The following SUPT3H variants were observed in gnomAD, a reference collection of about 807,000 sequenced individuals.
SUPT3H encodes transcription initiation protein SPT3 homolog.
SUPT3H carries 44 observed loss-of-function variants against 44.3 expected under a neutral mutation model. That is an observed-to-expected ratio of 0.99 (90% confidence interval 0.78 to 1.28). The LOEUF (loss-of-function observed/expected upper bound fraction) is 1.28, where lower values mean the gene tolerates loss of function less well. SUPT3H is among the 50% of genes most tolerant of loss of function. The pLI, the probability that SUPT3H is intolerant of heterozygous loss-of-function variation, is 0.00. For missense variants in SUPT3H, 380 were observed against 387.1 expected, an observed-to-expected ratio of 0.98 and a Z score of 0.15; for synonymous variants, 124 against 125.6, an observed-to-expected ratio of 0.99 and a Z score of 0.09.
chr6:45,326,529 T>A (rs1017250228), intron 2 of SUPT3H, among the ~76,000 whole-genome samples: 45 of 152,036 alleles, frequency 3.0e-4, no homozygotes, highest in African/African-American at 6.3e-4. Flanking sequence ...ACACATACAA[T>A]AAGGCATGAT....
At chr6:45,185,018 A>G (rs551823352) in intron 2 of SUPT3H, among the ~76,000 whole-genome samples, 17 of 152,302 alleles carry the variant, frequency 1.1e-4, no homozygotes, top group Middle Eastern at 3.4e-3. Flanking sequence ...AACAGTAGTC[A>G]ATCAGGAAGT....
intron 2 of SUPT3H, among the ~76,000 whole-genome samples, chr6:45,178,246 A>C (rs1007097479): frequency 1.3e-5 from 2 of 152,138 alleles, no homozygotes; most frequent in Non-Finnish European, 2.9e-5. Flanking sequence ...AATGGAAAAC[A>C]AAAAAAGGCA....
rs1381172428 is a variant in SUPT3H at position 45,030,928 on chromosome 6, TAGTGTGGTACATCCCGAAG to T, written c.187-10315_187-10297del. Among the ~76,000 whole-genome samples the T allele has an allele frequency of 2.6e-5, 4 of 152,298 alleles. No individual in the cohort carries two copies. In the East Asian group the frequency reaches 7.7e-4, roughly 29 times the overall value. ...TCGGTTAAAATGTGGCCTCCTCTGT[TAGTGTGGTACATCCCGAAG>T]AGTGTTCCAGAATCTTTAGATTATT... On this transcript the variant is annotated intron_variant, in intron 3 of 10. Transcript: ENST00000371459.
chr6:45,046,630 C>T (rs565544959), intron 3 of SUPT3H, among the ~76,000 whole-genome samples: 3 of 152,284 alleles, frequency 2.0e-5, no homozygotes, highest in Non-Finnish European at 2.9e-5. Context: ...CGCTCTCAGC[C>T]CATACTGCTT....
chr6:44,913,190 A>G (rs1582455201), intron 10 of SUPT3H, among the ~76,000 whole-genome samples: 1 of 152,182 alleles, frequency 6.6e-6, no homozygotes, highest in Non-Finnish European at 1.5e-5. Flanking sequence ...TAGAATCATC[A>G]TCCTTCCAGT....
intron 3 of SUPT3H, among the ~76,000 whole-genome samples, chr6:45,036,158 C>G (rs893960145): frequency 6.6e-6 from 1 of 152,004 alleles, no homozygotes; most frequent in Non-Finnish European, 1.5e-5. Context: ...GTCAGGAGGA[C>G]AAATAATAAA....
intron 10 of SUPT3H, among the ~76,000 whole-genome samples, chr6:44,904,147 T>A (rs1250431544): frequency 2.0e-5 from 3 of 152,092 alleles, no homozygotes; most frequent in Non-Finnish European, 4.4e-5. Flanking sequence ...CTCTCACCAC[T>A]CCTATTCAAC....
chr6:45,367,754 C>G (rs932963781), intron 1 of SUPT3H, among the ~76,000 whole-genome samples: 1 of 152,172 alleles, frequency 6.6e-6, no homozygotes, highest in Non-Finnish European at 1.5e-5. Context: ...TCCTGAGACA[C>G]TGCTGGAGCA....
chr6:45,125,498 C>T (rs1184934471), intron 2 of SUPT3H, among the ~76,000 whole-genome samples: 2 of 152,128 alleles, frequency 1.3e-5, no homozygotes, highest in African/African-American at 4.8e-5. Flanking sequence ...TTAAATCTTC[C>T]TCTCATAGAG....
intron 6 of SUPT3H, 29 bp downstream of exon 6, chr6:45,003,624 T>C (rs754624955): frequency 6.2e-7 from 1 of 1,608,206 alleles, no homozygotes; most frequent in Non-Finnish European, 8.5e-7. Flanking sequence ...ATTGTTCTAT[T>C]TCTGTAAAAA....
intron 10 of SUPT3H, among the ~76,000 whole-genome samples, chr6:44,834,252 A>T (rs1769398843): frequency 6.6e-6 from 1 of 152,212 alleles, no homozygotes. Flanking sequence ...ATCTGTCATG[A>T]TTATGGAGTA....
At chr6:45,016,686 T>C (rs992385124) in intron 4 of SUPT3H, among the ~76,000 whole-genome samples, 38 of 152,112 alleles carry the variant, frequency 2.5e-4, no homozygotes, top group Non-Finnish European at 5.0e-4. Context: ...TCACGTTTTA[T>C]GGCTGCATAG....
chr6:44,968,232 G>GT (rs1319509525), intron 6 of SUPT3H, among the ~76,000 whole-genome samples: 1 of 152,180 alleles, frequency 6.6e-6, no homozygotes, highest in African/African-American at 2.4e-5. Context: ...ATAGGCATTG[G>GT]TTGTTGAACT....
intron 3 of SUPT3H, among the ~76,000 whole-genome samples, chr6:45,044,249 G>A (rs991775682): frequency 6.6e-6 from 1 of 152,112 alleles, no homozygotes; most frequent in Non-Finnish European, 1.5e-5. Flanking sequence ...GCAGGGCTGA[G>A]TTCTCTACAC....
chr6:45,143,658 A>C (rs1466682342), intron 2 of SUPT3H, among the ~76,000 whole-genome samples: 1 of 152,144 alleles, frequency 6.6e-6, no homozygotes, highest in Non-Finnish European at 1.5e-5. Flanking sequence ...AAACAAGAAC[A>C]AACCAAACCC....
rs563163886 is a variant in SUPT3H, at chr6:45,005,673, CCT to C, written c.365-1883_365-1882del. The stretch of plus-strand genomic sequence containing the variant: ...CCGAGATTGCTCCATTGCACTCCAG[CCT>C]GGGCAACAAGTGCAAAACTCGTCTC... On this transcript the variant is annotated intron_variant, in intron 5 of 10. Coordinates refer to ENST00000371459, the MANE Select transcript of SUPT3H (RefSeq NM_003599.4). Among the ~76,000 whole-genome samples the C allele has an allele frequency of 3.9e-3, 575 of 148,744 alleles. 7 individuals carry two copies. The highest frequency in any genetic ancestry group is 0.014 in the African/African-American group (547 of 40,014).
At chr6:45,174,461 T>G (rs182704338) in intron 2 of SUPT3H, among the ~76,000 whole-genome samples, 280 of 152,350 alleles carry the variant, frequency 1.8e-3, no homozygotes, top group African/African-American at 6.6e-3. Flanking sequence ...CTATAATCTA[T>G]GCTCCAAATC....
At chr6:44,878,304 T>C (rs1420813713) in intron 10 of SUPT3H, among the ~76,000 whole-genome samples, 1 of 152,228 alleles carries the variant, frequency 6.6e-6, no homozygotes, top group Non-Finnish European at 1.5e-5. Context: ...GTGATGCTTA[T>C]GATGAGAAGA....
intron 2 of SUPT3H, among the ~76,000 whole-genome samples, chr6:45,139,778 A>G (rs918139768): frequency 2.0e-5 from 3 of 152,134 alleles, no homozygotes; most frequent in South Asian, 2.1e-4. Flanking sequence ...CCACCTTCAT[A>G]TATCTCACAG....
Sources: gnomAD v4.1 joint callset for allele counts (sites outside exome capture counted in the v4.1 genomes callset) on GRCh38, gnomAD v4.1.1 for gene constraint, MANE v1.5 for transcripts, NCBI Gene and HGNC (gene_info 2026-07-23, HGNC 2026-07-21) for gene names.